LDB2: variants seen among roughly 807,000 people sequenced by gnomAD.
LDB2 encodes the protein LIM domain binding 2, also known as LIM domain-binding protein 2.
A neutral mutation model predicts 44.3 loss-of-function variants in LDB2; 12 were observed. The ratio of observed to expected loss-of-function variants is 0.27; its 90% CI spans 0.17 to 0.44. The LOEUF is 0.44. LDB2 is among the 20% of genes least tolerant of loss of function. The probability of loss-of-function intolerance (pLI) is 1.00; values close to 1 mark genes in which losing one functional copy is unlikely to be tolerated. For synonymous variants in LDB2, 164 were observed against 174.8 expected (o/e 0.94, Z 0.49); for missense variants, 344 against 473.5 (o/e 0.73, Z 2.54).
At chr4:16,609,241 T>C (rs913958994) in intron 2 of LDB2, among the ~76,000 whole-genome samples, 27 of 151,654 alleles carry the variant, frequency 1.8e-4, no homozygotes, top group African/African-American at 4.4e-4. Flanking sequence ...AAGATCCCAC[T>C]TGCGAACCCA....
At chr4:16,829,101 C>T (rs1783586832) in intron 1 of LDB2, among the ~76,000 whole-genome samples, 1 of 152,194 alleles carries the variant, frequency 6.6e-6, no homozygotes, top group Non-Finnish European at 1.5e-5. Flanking sequence ...TGCTTCCTTA[C>T]TCATGCTAAG....
chr4:16,621,250 C>A (rs1728794760), intron 2 of LDB2, among the ~76,000 whole-genome samples: 1 of 152,200 alleles, frequency 6.6e-6, no homozygotes. Flanking sequence ...TATCCAGACT[C>A]TTTAGTTGAC....
At chr4:16,542,582 CG>C (rs1444473118) in intron 5 of LDB2, among the ~76,000 whole-genome samples, 1 of 152,090 alleles carries the variant, frequency 6.6e-6, no homozygotes, top group East Asian at 1.9e-4. Context: ...GCCTTATAAT[CG>C]ATTCAAAGAC....
At chr4:16,875,025 G>A (rs1381046910) in intron 1 of LDB2, among the ~76,000 whole-genome samples, 1 of 152,180 alleles carries the variant, frequency 6.6e-6, no homozygotes, top group Non-Finnish European at 1.5e-5. Context: ...CCATAGACAT[G>A]TATGTTATCA....
chr4:16,784,596 A>G (rs1214815654), intron 1 of LDB2, among the ~76,000 whole-genome samples: 1 of 152,190 alleles, frequency 6.6e-6, no homozygotes, highest in East Asian at 1.9e-4. Context: ...TGTGTGAACC[A>G]AGAATGCTGT....
chr4:16,706,369 G>T (rs1010411328), intron 2 of LDB2, among the ~76,000 whole-genome samples: 2 of 152,170 alleles, frequency 1.3e-5, no homozygotes, highest in African/African-American at 4.8e-5. Context: ...TGCCCCTTCT[G>T]CGACCTAAGG....
chr4:16,714,002 T>C (rs1756494277), intron 2 of LDB2, among the ~76,000 whole-genome samples: 1 of 152,112 alleles, frequency 6.6e-6, no homozygotes, highest in Non-Finnish European at 1.5e-5. Context: ...TAAGAGCAGG[T>C]AGAGCTCATT....
chr4:16,824,794 TAACTC>T (rs944521407), intron 1 of LDB2, among the ~76,000 whole-genome samples: 3 of 152,250 alleles, frequency 2.0e-5, no homozygotes, highest in African/African-American at 7.2e-5. Context: ...GGGATTTCCT[TAACTC>T]AACACATGGT....
At chr4:16,615,981 A>T (rs762042691) in intron 2 of LDB2, among the ~76,000 whole-genome samples, 1 of 152,192 alleles carries the variant, frequency 6.6e-6, no homozygotes, top group Non-Finnish European at 1.5e-5. Context: ...GAATTAGAAC[A>T]GAAGCAACCT....
intron 1 of LDB2, among the ~76,000 whole-genome samples, chr4:16,806,462 C>A (rs740628): frequency 0.014 from 2,201 of 152,316 alleles, 64 homozygotes; most frequent in African/African-American, 0.05. Context: ...TGGGGCTGGT[C>A]TGAATCCAGT....
chr4:16,576,669 C>T (rs150651176), intron 5 of LDB2, among the ~76,000 whole-genome samples: 1 of 152,230 alleles, frequency 6.6e-6, no homozygotes, highest in East Asian at 1.9e-4. Context: ...GAATTAATAC[C>T]AATCCTACTG....
chr4:16,562,460 A>C (rs1166396995), intron 5 of LDB2, among the ~76,000 whole-genome samples: 1 of 152,234 alleles, frequency 6.6e-6, no homozygotes, highest in African/African-American at 2.4e-5. Flanking sequence ...CAGACACATG[A>C]AAAAATGCTC....
At position 16,588,741 on chromosome 4, in the gene LDB2, T is replaced by C; in HGVS notation, c.500A>G (p.Glu167Gly). The change falls in exon 4 of 8, where the codon GAG (glutamate) becomes GGG (glycine). Residue 167 changes from glutamate (E) to glycine (G), a missense_variant. Coordinates refer to ENST00000304523, the MANE Select transcript of LDB2 (RefSeq NM_001290.5). ...TWHFTIRQYR[E>G]LVPRSILAMH... ...GGCTAGGATGCTTCTCGGGACTAAC[T>C]CTCGGTATTGTCTAATGGTAAAGTG... The C allele has an allele frequency of 6.2e-7, 1 of 1,613,896 alleles. No homozygotes were observed. The highest frequency in any genetic ancestry group is 8.5e-7 in the Non-Finnish European group (1 of 1,179,880).
intron 1 of LDB2, among the ~76,000 whole-genome samples, chr4:16,892,607 A>G (rs940010237): frequency 5.3e-5 from 8 of 152,164 alleles, no homozygotes; most frequent in Non-Finnish European, 1.2e-4. Flanking sequence ...CAAATAAGTA[A>G]GTTTATGAAT....
intron 2 of LDB2, among the ~76,000 whole-genome samples, chr4:16,645,481 G>A (rs1736500085): frequency 6.7e-6 from 1 of 148,504 alleles, no homozygotes; most frequent in South Asian, 2.2e-4. Flanking sequence ...AGCCTGCAGT[G>A]AGCCGAGATT....
intron 2 of LDB2, among the ~76,000 whole-genome samples, chr4:16,651,653 T>A (rs1738308497): frequency 6.6e-6 from 1 of 152,080 alleles, no homozygotes; most frequent in Admixed American, 6.6e-5. Flanking sequence ...CAAATCATGG[T>A]ATTTACAATA....
At chr4:16,792,637 G>A (rs1172813103) in intron 1 of LDB2, among the ~76,000 whole-genome samples, 1 of 152,110 alleles carries the variant, frequency 6.6e-6, no homozygotes, top group Non-Finnish European at 1.5e-5. Context: ...AGAGCAAAGA[G>A]CCCATAGACA....
At chr4:16,591,808 T>C (rs901541602) in intron 3 of LDB2, among the ~76,000 whole-genome samples, 6 of 152,090 alleles carry the variant, frequency 3.9e-5, no homozygotes, top group African/African-American at 1.4e-4. Context: ...ATCTTCTCTC[T>C]TCAGAAAAAT....
At chr4:16,676,592 A>G (rs576854033) in intron 2 of LDB2, among the ~76,000 whole-genome samples, 1 of 152,356 alleles carries the variant, frequency 6.6e-6, no homozygotes, top group East Asian at 1.9e-4. Flanking sequence ...ACTGACTACA[A>G]ACAGGGCAAT....
Sources: allele counts gnomAD v4.1 joint callset (sites outside exome capture counted in the v4.1 genomes callset), GRCh38; gene constraint gnomAD v4.1.1; transcripts MANE v1.5; gene names NCBI Gene and HGNC (gene_info 2026-07-23, HGNC 2026-07-21).